Variants in OPCML observed in about 807,000 individuals in gnomAD.
OPCML encodes the protein opioid-binding protein/cell adhesion molecule.
Under a neutral mutation model 37.8 loss-of-function variants are expected in OPCML, and 13 were observed. The ratio of observed to expected loss-of-function variants is 0.34; its 90% CI spans 0.22 to 0.55. The LOEUF (loss-of-function observed/expected upper bound fraction) is 0.55. OPCML is among the 20% of genes least tolerant of loss of function. The pLI is 0.91. For missense variants in OPCML, 341 were observed against 435.6 expected, an observed-to-expected ratio of 0.78 and a Z score of 1.93; for synonymous variants, 176 against 168.8, an observed-to-expected ratio of 1.04 and a Z score of -0.33.
chr11:133,363,716 T>C (rs1046037535), intron 1 of OPCML, among the ~76,000 whole-genome samples: 1 of 151,864 alleles, frequency 6.6e-6, no homozygotes, highest in African/African-American at 2.4e-5. Flanking sequence ...AGAAAAGGAA[T>C]CCCCCTCCCA....
At chr11:133,213,277 A>G (rs1056987384) in intron 1 of OPCML, among the ~76,000 whole-genome samples, 1 of 151,506 alleles carries the variant, frequency 6.6e-6, no homozygotes, top group Non-Finnish European at 1.5e-5. Flanking sequence ...AATTCTAAAG[A>G]AAACGTCCTA....
intron 2 of OPCML, among the ~76,000 whole-genome samples, chr11:132,849,970 T>C (rs1192772609): frequency 1.3e-5 from 2 of 152,188 alleles, no homozygotes; most frequent in Non-Finnish European, 2.9e-5. Flanking sequence ...GCTCCTTCCA[T>C]CCTAACCATT....
At chr11:133,398,176 C>G (rs1419106666) in intron 1 of OPCML, among the ~76,000 whole-genome samples, 3 of 152,174 alleles carry the variant, frequency 2.0e-5, no homozygotes, top group Non-Finnish European at 4.4e-5. Context: ...ATATTGGCCA[C>G]CACAAAATTC....
intron 1 of OPCML, among the ~76,000 whole-genome samples, chr11:133,232,463 A>G (rs1358997678): frequency 6.6e-6 from 1 of 152,186 alleles, no homozygotes; most frequent in Admixed American, 6.5e-5. Context: ...ACAATGTGCA[A>G]AGTGTGATGC....
intron 1 of OPCML, among the ~76,000 whole-genome samples, chr11:133,453,735 C>T (rs558307587): frequency 5.7e-4 from 86 of 152,138 alleles, no homozygotes; most frequent in Non-Finnish European, 9.7e-4. Context: ...TCTGATGACT[C>T]TATCCTCACG....
intron 1 of OPCML, among the ~76,000 whole-genome samples, chr11:133,318,684 G>A (rs945767717): frequency 6.6e-6 from 1 of 152,036 alleles, no homozygotes; most frequent in Non-Finnish European, 1.5e-5. Flanking sequence ...TCACCCTGTC[G>A]CATTTAGTGC....
intron 1 of OPCML, among the ~76,000 whole-genome samples, chr11:133,195,620 C>T (rs964590579): frequency 2.0e-5 from 3 of 152,166 alleles, no homozygotes; most frequent in Non-Finnish European, 4.4e-5. Flanking sequence ...ATTCAATTAG[C>T]ATGGGAAGAA....
chr11:132,599,385 GAA>G (rs1283963754), intron 3 of OPCML, among the ~76,000 whole-genome samples: 18 of 93,158 alleles, frequency 1.9e-4, no homozygotes, highest in African/African-American at 1.2e-3. Context: ...GAAGGAGGAA[GAA>G]GGAGGAAGAA....
In OPCML at chr11:132,820,102, TGAAA is replaced by T. The variant is rs199776209; in HGVS notation, c.146+122820_146+122823del. Among the ~76,000 whole-genome samples, 104 of 131,504 alleles carry T rather than the reference TGAAA, an allele frequency of 7.9e-4. 1 individual carries two copies. The highest frequency in any genetic ancestry group is 2.8e-3 in the African/African-American group (101 of 35,492). 86.3% of individuals were successfully genotyped at this position (131,504 alleles called of 152,430 possible). ...ATGAATGAATGAATGAATGAATGAATGAAAGAAACCAGAAAGGAAGAAAAGAAAA... is the reference window on the plus strand; with the variant it reads ...ATGAATGAATGAATGAATGAATGAATGAAACCAGAAAGGAAGAAAAGAAAA... On this transcript the variant is annotated intron_variant, in intron 2 of 7. Coordinates refer to ENST00000524381, the MANE Select transcript of OPCML (RefSeq NM_001012393.5).
intron 1 of OPCML, among the ~76,000 whole-genome samples, chr11:133,426,401 A>AC (rs1946003334): frequency 6.6e-6 from 1 of 152,086 alleles, no homozygotes; most frequent in Admixed American, 6.6e-5. Context: ...ACACACACAC[A>AC]ACAACTCCCC....
At chr11:133,191,030 G>A (rs537694355) in intron 1 of OPCML, among the ~76,000 whole-genome samples, 70 of 151,790 alleles carry the variant, frequency 4.6e-4, no homozygotes, top group Non-Finnish European at 6.8e-4. Context: ...GAATATTAGG[G>A]TAACCACACC....
intron 2 of OPCML, among the ~76,000 whole-genome samples, chr11:132,708,437 C>T (rs1353943884): frequency 6.6e-6 from 1 of 152,200 alleles, no homozygotes; most frequent in African/African-American, 2.4e-5. Flanking sequence ...GTCAATAACA[C>T]TTCCATATGT....
At chr11:132,695,584 A>C (rs1943571564) in intron 2 of OPCML, among the ~76,000 whole-genome samples, 1 of 152,204 alleles carries the variant, frequency 6.6e-6, no homozygotes, top group African/African-American at 2.4e-5. Context: ...TAGTTGATAC[A>C]TAGAAAAACA....
intron 4 of OPCML, among the ~76,000 whole-genome samples, chr11:132,526,285 T>C (rs1486852043): frequency 6.6e-6 from 1 of 152,142 alleles, no homozygotes; most frequent in Non-Finnish European, 1.5e-5. Context: ...GACATTTGAT[T>C]TTACCAAATA....
intron 3 of OPCML, among the ~76,000 whole-genome samples, chr11:132,530,056 T>A (rs2096320077): frequency 6.6e-6 from 1 of 152,314 alleles, no homozygotes; most frequent in Non-Finnish European, 1.5e-5. Flanking sequence ...TAATGGTAGC[T>A]AAACTCACTG....
intron 4 of OPCML, among the ~76,000 whole-genome samples, chr11:132,480,386 C>T (rs867774640): frequency 6.6e-6 from 1 of 152,168 alleles, no homozygotes; most frequent in Non-Finnish European, 1.5e-5. Context: ...ACCAAATCTA[C>T]GTCTGATTGG....
chr11:132,567,267 C>A (rs1056610123), intron 3 of OPCML, among the ~76,000 whole-genome samples: 1 of 152,164 alleles, frequency 6.6e-6, no homozygotes, highest in Non-Finnish European at 1.5e-5. Flanking sequence ...AACTGAGTTG[C>A]CACGCTCATC....
intron 3 of OPCML, among the ~76,000 whole-genome samples, chr11:132,602,096 A>G (rs1937958735): frequency 6.6e-6 from 1 of 152,190 alleles, no homozygotes; most frequent in Non-Finnish European, 1.5e-5. Context: ...CTGAATTCAC[A>G]AACAGGAGAC....
chr11:132,970,529 C>A (rs924309472), intron 1 of OPCML, among the ~76,000 whole-genome samples: 16 of 152,092 alleles, frequency 1.1e-4, no homozygotes, highest in South Asian at 2.1e-4. Flanking sequence ...ATTATCAGTG[C>A]CTACAGAGTA....
Sources: allele counts gnomAD v4.1 joint callset (sites outside exome capture counted in the v4.1 genomes callset), GRCh38; gene constraint gnomAD v4.1.1; transcripts MANE v1.5; gene names NCBI Gene and HGNC (gene_info 2026-07-23, HGNC 2026-07-21).